TMOD2: variants seen among roughly 807,000 people sequenced by gnomAD.
TMOD2 encodes tropomodulin-2.
A neutral mutation model predicts 39.9 loss-of-function variants in TMOD2; 22 were observed. That is an observed-to-expected ratio of 0.55 (90% CI 0.39 to 0.79). The LOEUF is 0.79. TMOD2 is among the 30% of genes least tolerant of loss of function. TMOD2 has a pLI of 0.00. For missense variants in TMOD2, 386 were observed against 413.3 expected (o/e 0.93, Z 0.57); for synonymous variants, 123 against 146.1 (o/e 0.84, Z 1.14).
intron 1 of TMOD2, among the ~76,000 whole-genome samples, chr15:51,762,017 C>T (rs974180523): frequency 6.6e-6 from 1 of 151,610 alleles, no homozygotes; most frequent in African/African-American, 2.4e-5. Context: ...GGCGTGGTGG[C>T]GGGCACCTGT....
chr15:51,792,879 G>A (rs1181141715), intron 7 of TMOD2, among the ~76,000 whole-genome samples: 1 of 152,116 alleles, frequency 6.6e-6, no homozygotes, highest in Non-Finnish European at 1.5e-5. Context: ...GGGGTGCTAG[G>A]GGAGGGATAA....
intron 7 of TMOD2, among the ~76,000 whole-genome samples, chr15:51,796,726 A>G (rs908814724): frequency 6.6e-6 from 1 of 152,228 alleles, no homozygotes; most frequent in Non-Finnish European, 1.5e-5. Flanking sequence ...TCTCTCTCAA[A>G]TATCTTACTG....
At position 51,768,406 on chromosome 15, in the gene TMOD2, G is replaced by A. The variant is rs760811992; in HGVS notation, c.271G>A (p.Gly91Arg). ...KDREDFVPFT[G>R]EKKGRVFIPK... ...CAGAGAGGACTTTGTGCCCTTCACT[G>A]GAGAAAAGAAAGGTAAGGACCACAG... is the stretch of plus-strand genomic sequence containing the variant. The change falls in exon 3 of 10, where the codon GGA (glycine) becomes AGA (arginine). Residue 91 changes from glycine (G) to arginine (R), a missense_variant. Transcript: ENST00000249700. 11 of 1,613,930 alleles carry A rather than the reference G, an allele frequency of 6.8e-6. No homozygotes were observed. Among genetic ancestry groups the A allele is most frequent in the Non-Finnish European group, 8.5e-6 (10 of 1,179,960 alleles).
chr15:51,782,200 C>A (rs538687625), intron 6 of TMOD2, among the ~76,000 whole-genome samples: 1 of 152,248 alleles, frequency 6.6e-6, no homozygotes, highest in African/African-American at 2.4e-5. Context: ...ATAATTATAA[C>A]ATGATGTGGT....
Position 51,812,083 on chromosome 15 carries a change from T to C in TMOD2, c.*3629T>C, listed in dbSNP as rs1308121083. 1 of 152,074 alleles carries C rather than the reference T, an allele frequency of 6.6e-6. No homozygotes were observed. The highest frequency in any genetic ancestry group is 1.5e-5 in the Non-Finnish European group (1 of 68,008). 9.4% of individuals were successfully genotyped at this position (152,074 alleles called of 1,614,324 possible). On this transcript the variant is annotated 3_prime_UTR_variant, in exon 10 of 10. Transcript: ENST00000249700. ...ATTTGGCTTCATCTGGAAAATTGAC[T>C]GGAGGGAGATGCTGTCTCCCAGCCC... is the stretch of plus-strand genomic sequence containing the variant.
At chr15:51,806,615 C>A in intron 9 of TMOD2, 94 bp downstream of exon 9, 3 of 1,426,486 alleles carry the variant, frequency 2.1e-6, no homozygotes, top group African/African-American at 1.4e-5. Flanking sequence ...TACCATTCCA[C>A]TGGCCTCTGA....
chr15:51,757,663 A>G (rs2055751800), intron 1 of TMOD2, among the ~76,000 whole-genome samples: 1 of 152,094 alleles, frequency 6.6e-6, no homozygotes, highest in Non-Finnish European at 1.5e-5. Flanking sequence ...CAGACACACC[A>G]CTGGAGGGGA....
At chr15:51,795,908 C>G (rs1241792842) in intron 7 of TMOD2, among the ~76,000 whole-genome samples, 1 of 116,632 alleles carries the variant, frequency 8.6e-6, no homozygotes, top group Non-Finnish European at 1.7e-5. Context: ...CCCCACCCCC[C>G]ACCCGACTTT....
intron 1 of TMOD2, among the ~76,000 whole-genome samples, chr15:51,757,750 C>G (rs1254959312): frequency 2.0e-5 from 3 of 152,156 alleles, no homozygotes; most frequent in Non-Finnish European, 2.9e-5. Flanking sequence ...CCTTGGGCAG[C>G]CTTGGTGGGG....
intron 1 of TMOD2, among the ~76,000 whole-genome samples, chr15:51,762,187 T>G (rs1375120942): frequency 6.6e-6 from 1 of 151,426 alleles, no homozygotes; most frequent in African/African-American, 2.4e-5. Context: ...CTGGGCACAG[T>G]GGCTCATACC....
At chr15:51,763,078 G>T (rs1595862566) in intron 1 of TMOD2, among the ~76,000 whole-genome samples, 1 of 150,932 alleles carries the variant, frequency 6.6e-6, no homozygotes, top group East Asian at 1.9e-4. Context: ...GGGACTACAG[G>T]CATGTGCCAC....
chr15:51,798,031 G>A (rs1329978195), intron 7 of TMOD2, among the ~76,000 whole-genome samples, 166 bp from the exon 8 acceptor site: 1 of 151,984 alleles, frequency 6.6e-6, no homozygotes, highest in African/African-American at 2.4e-5. Context: ...TTTAATTGTG[G>A]TTTTAAATTG....
At chr15:51,784,172 C>T (rs958351535) in intron 7 of TMOD2, 24 of 152,346 alleles carry the variant, frequency 1.6e-4, no homozygotes, top group African/African-American at 5.8e-4. Flanking sequence ...TCTGGTTCTA[C>T]AGCCAGGAAG....
chr15:51,797,903 G>T (rs1358924134), intron 7 of TMOD2, among the ~76,000 whole-genome samples: 8 of 147,696 alleles, frequency 5.4e-5, no homozygotes, highest in South Asian at 4.3e-4. Flanking sequence ...AACAGTAGTG[G>T]TTTTTTTTTA....
chr15:51,810,593 C>G lies in TMOD2; in HGVS notation c.*2139C>G, dbSNP rs1186740081. On this transcript the variant is annotated 3_prime_UTR_variant, in exon 10 of 10. Transcript: ENST00000249700. Reference sequence around the variant, plus strand: ...TTGATAAACATTCATCAGCACACCACTGGGTGAAATTATACATTTTTTTAT... The same window carrying G: ...TTGATAAACATTCATCAGCACACCAGTGGGTGAAATTATACATTTTTTTAT... 6.6e-6 allele frequency: 1 copy of G among 152,156 alleles called. No homozygotes were observed. Among genetic ancestry groups the G allele is most frequent in the Non-Finnish European group, 1.5e-5 (1 of 68,030 alleles). 9.4% of individuals were successfully genotyped at this position (152,156 alleles called of 1,614,324 possible). A position where few individuals can be genotyped will look rare whatever the true frequency, so the allele number is the denominator to read the frequency against.
Position 51,812,782 on chromosome 15 carries a change from C to T in TMOD2, c.*4328C>T, listed in dbSNP as rs551792776. 6.6e-6 allele frequency: 1 copy of T among 152,288 alleles called. No individual in the cohort carries two copies. The highest frequency in any genetic ancestry group is 2.4e-5 in the African/African-American group (1 of 41,560). The allele number at this position is 152,288 out of a possible 1,614,324, so 9.4% of individuals were successfully genotyped here. A position where few individuals can be genotyped will look rare whatever the true frequency, so the allele number is the denominator to read the frequency against. On this transcript the variant is annotated 3_prime_UTR_variant, in exon 10 of 10. Transcript: ENST00000249700. ...ATCCTGAAGCTTCCTTCCCCTCTTC[C>T]ACTAATGATGCAATAATAGCTGTTT...
At chr15:51,782,908 A>T (rs915117189) in intron 7 of TMOD2, 80 bp downstream of exon 7, 7 of 1,354,298 alleles carry the variant, frequency 5.2e-6, no homozygotes, top group Non-Finnish European at 7.2e-6. Context: ...ATTAGCTAAC[A>T]ATTTTTTAGA....
chr15:51,783,590 A>AT lies in TMOD2; in HGVS notation c.732+763dup, dbSNP rs2055946851. 3 of 152,164 alleles carry AT rather than the reference A, an allele frequency of 2.0e-5. No homozygotes were observed. The South Asian group carries it at 6.2e-4, about 32-fold the overall frequency. 9.4% of individuals were successfully genotyped at this position (152,164 alleles called of 1,614,324 possible). A position where few individuals can be genotyped will look rare whatever the true frequency, so the allele number is the denominator to read the frequency against. On this transcript the variant is annotated intron_variant, in intron 7 of 9. Coordinates refer to ENST00000249700, the MANE Select transcript of TMOD2 (RefSeq NM_014548.4). ...GAAACATTCTGTGTTTGACACCAGA[A>AT]TGTGAAAAAAATAGCCAGCCAGGTG...
At chr15:51,754,298 G>A (rs78244676) in intron 1 of TMOD2, among the ~76,000 whole-genome samples, 4,817 of 152,266 alleles carry the variant, frequency 0.032, 121 homozygotes, top group Non-Finnish European at 0.05. Context: ...TTTTGGGTTA[G>A]GGTAGTGTTG....
Sources: gnomAD v4.1 joint callset for allele counts (sites outside exome capture counted in the v4.1 genomes callset) on GRCh38, gnomAD v4.1.1 for gene constraint, MANE v1.5 for transcripts, NCBI Gene and HGNC (gene_info 2026-07-23, HGNC 2026-07-21) for gene names.